Variants in MAD1L1 observed in about 807,000 individuals in gnomAD.
MAD1L1 encodes mitotic arrest deficient 1 like 1.
A neutral mutation model predicts 96.9 loss-of-function variants in MAD1L1; 95 were observed. That is an observed-to-expected ratio of 0.98 (90% CI 0.83 to 1.16). The LOEUF (loss-of-function observed/expected upper bound fraction) is 1.16, where lower values mean the gene tolerates loss of function less well. Among genes scored for constraint, MAD1L1 ranks in the 50% most tolerant of loss-of-function variants. The pLI is 0.00. For missense variants in MAD1L1, 1,007 were observed against 954.4 expected, an observed-to-expected ratio of 1.06 and a Z score of -0.73; for synonymous variants, 473 against 396.6, an observed-to-expected ratio of 1.19 and a Z score of -2.29.
At chr7:2,186,387 C>T (rs1015006078) in intron 10 of MAD1L1, among the ~76,000 whole-genome samples, 1 of 152,206 alleles carries the variant, frequency 6.6e-6, no homozygotes, top group Admixed American at 6.5e-5. Flanking sequence ...AAACACCAGA[C>T]ATTTCAAGTA....
rs753235461 is a variant in MAD1L1 at position 2,218,037 on chromosome 7, G to T, written c.603C>A (p.Cys201Ter). 6.2e-7 allele frequency: 1 copy of T among 1,613,420 alleles called. No homozygotes were observed. Among genetic ancestry groups the T allele is most frequent in the Non-Finnish European group, 8.5e-7 (1 of 1,179,490 alleles). Residue 201 changes from cysteine (C) to a stop codon, truncating the protein, a stop_gained, in exon 7 of 19, where the codon TGC (cysteine) becomes TGA (stop). Coordinates refer to ENST00000265854, the MANE Select transcript of MAD1L1 (RefSeq NM_001013836.2). LOFTEE classifies it high-confidence loss of function. ...QEQLDLQHKK[C>*]QEANQKIQEL... Reference sequence around the variant, plus strand: ...CCTGGATTTTCTGATTGGCTTCCTGGCATTTTCTATTGAAAGAAAAATACA... The same window carrying T: ...CCTGGATTTTCTGATTGGCTTCCTGTCATTTTCTATTGAAAGAAAAATACA...
At chr7:2,166,118 C>G (rs560288392) in intron 10 of MAD1L1, among the ~76,000 whole-genome samples, 3 of 152,214 alleles carry the variant, frequency 2.0e-5, no homozygotes, top group African/African-American at 7.2e-5. Context: ...CACGCCACCA[C>G]GACTGTGACG....
chr7:2,219,246 C>T, intron 6 of MAD1L1, 86 bp downstream of exon 6: 3 of 1,270,858 alleles, frequency 2.4e-6, no homozygotes, highest in Admixed American at 2.1e-5. Context: ...AGTGTATCCA[C>T]ATCCCACCCA....
intron 15 of MAD1L1, among the ~76,000 whole-genome samples, chr7:1,959,138 G>C (rs1011050121): frequency 6.6e-6 from 1 of 152,130 alleles, no homozygotes; most frequent in African/African-American, 2.4e-5. Flanking sequence ...TGTAGTCCCA[G>C]CTCCTCAGGA....
At chr7:1,943,225 C>A (rs1223606933) in intron 16 of MAD1L1, among the ~76,000 whole-genome samples, 1 of 152,176 alleles carries the variant, frequency 6.6e-6, no homozygotes, top group East Asian at 1.9e-4. Flanking sequence ...GAATTCTTAG[C>A]CCAAAGCACA....
intron 3 of MAD1L1, 120 bp from the exon 4 acceptor site, chr7:2,225,670 C>G (rs1793855699): frequency 9.0e-7 from 1 of 1,112,780 alleles, no homozygotes; most frequent in South Asian, 1.5e-5. Context: ...CGTGCTAAGT[C>G]TTGATGTGGC....
rs141158580 is a variant in MAD1L1 at position 2,127,615 on chromosome 7, G to A, written c.1073+21537C>T. Among the ~76,000 whole-genome samples the A allele has an allele frequency of 1.2e-4, 18 of 152,276 alleles. No individual in the cohort carries two copies. In the East Asian group the frequency reaches 3.5e-3, roughly 29 times the overall value. The stretch of plus-strand genomic sequence containing the variant: ...CTGGGGTCTAGGGTGGGGAAAAAAG[G>A]CAAGAGAGGAGGAGACCCACAGGAA... On this transcript the variant is annotated intron_variant, in intron 11 of 18. Coordinates refer to ENST00000265854, the MANE Select transcript of MAD1L1 (RefSeq NM_001013836.2).
At chr7:2,215,819 A>G (rs1052211998) in intron 9 of MAD1L1, 66 bp downstream of exon 9, 2 of 1,462,524 alleles carry the variant, frequency 1.4e-6, no homozygotes, top group Non-Finnish European at 1.9e-6. Flanking sequence ...CGTGACCACA[A>G]TACCGAGGCT....
At chr7:1,874,649 C>T (rs906389421) in intron 18 of MAD1L1, 2 of 410,292 alleles carry the variant, frequency 4.9e-6, no homozygotes, top group Admixed American at 2.9e-5. Flanking sequence ...GGAATTGACC[C>T]AGGAGGGAAA....
intron 1 of MAD1L1, 39 bp downstream of exon 1, chr7:2,232,833 C>G (rs943820466): frequency 1.3e-5 from 2 of 152,300 alleles, no homozygotes; most frequent in African/African-American, 4.8e-5. Context: ...ACCCCCGGGA[C>G]CCCGGGACCC....
At chr7:1,822,837 C>A (rs1055236560) in intron 18 of MAD1L1, among the ~76,000 whole-genome samples, 1 of 151,664 alleles carries the variant, frequency 6.6e-6, no homozygotes, top group Non-Finnish European at 1.5e-5. Context: ...TGTTGAGAAC[C>A]GTACAGCTAC....
chr7:1,898,999 C>T (rs574286022), intron 17 of MAD1L1, among the ~76,000 whole-genome samples: 1 of 152,226 alleles, frequency 6.6e-6, no homozygotes, highest in African/African-American at 2.4e-5. Context: ...GCCACCGGGA[C>T]GTTCCGGATC....
At chr7:2,127,711 G>T (rs1788299763) in intron 11 of MAD1L1, among the ~76,000 whole-genome samples, 2 of 152,180 alleles carry the variant, frequency 1.3e-5, no homozygotes, top group African/African-American at 4.8e-5. Flanking sequence ...GAACCCACCT[G>T]CAATTACAAT....
At chr7:1,914,410 C>T (rs1788239107) in intron 17 of MAD1L1, among the ~76,000 whole-genome samples, 3 of 152,204 alleles carry the variant, frequency 2.0e-5, no homozygotes, top group Admixed American at 6.5e-5. Context: ...GCAGGAAAGT[C>T]GGCTAGAGAT....
intron 10 of MAD1L1, among the ~76,000 whole-genome samples, chr7:2,206,973 G>A (rs181826347): frequency 2.6e-5 from 4 of 152,014 alleles, no homozygotes; most frequent in African/African-American, 9.6e-5. Context: ...CCCAGCTACT[G>A]GGGAGGCTGA....
chr7:1,995,713 GGACA>G (rs1310768986), intron 14 of MAD1L1, among the ~76,000 whole-genome samples: 7 of 152,252 alleles, frequency 4.6e-5, no homozygotes, highest in Admixed American at 2.6e-4. Flanking sequence ...GCGCGCGCGG[GGACA>G]TACATGCTGG....
In MAD1L1 at chr7:1,845,127, G is replaced by A. The variant is rs111546754; in HGVS notation, c.1999-28899C>T. On this transcript the variant is annotated intron_variant, in intron 18 of 18. Transcript: ENST00000265854. ...CGAAGGGGTCTCCTCTTCCCTCCTA[G>A]CAATGCTGTGTGGCTGATACGCTGA... is the stretch of plus-strand genomic sequence containing the variant. Among the ~76,000 whole-genome samples, 123 of 152,332 alleles carry A rather than the reference G, an allele frequency of 8.1e-4. 1 individual carries two copies. The highest frequency in any genetic ancestry group is 2.7e-3 in the African/African-American group (114 of 41,578).
chr7:2,063,363 A>T (rs1044687917), intron 12 of MAD1L1, among the ~76,000 whole-genome samples: 1 of 152,196 alleles, frequency 6.6e-6, no homozygotes. Context: ...AACAGACACC[A>T]TCAGGGAAGA....
intron 12 of MAD1L1, among the ~76,000 whole-genome samples, chr7:2,021,431 T>A (rs534912027): frequency 2.6e-5 from 4 of 152,288 alleles, no homozygotes. Context: ...CCTGGAATTC[T>A]GCATCCAGCA....
Sources: gnomAD v4.1 joint callset for allele counts (sites outside exome capture counted in the v4.1 genomes callset) on GRCh38, gnomAD v4.1.1 for gene constraint, MANE v1.5 for transcripts, NCBI Gene and HGNC (gene_info 2026-07-23, HGNC 2026-07-21) for gene names.